Variants in PRDM5 observed in about 807,000 individuals in gnomAD.
The protein encoded by PRDM5 is PR/SET domain 5.
A neutral mutation model predicts 81.2 loss-of-function variants in PRDM5; 56 were observed. That is an observed-to-expected ratio of 0.69 (90% confidence interval 0.56 to 0.86). PRDM5 has a LOEUF of 0.86. PRDM5 is among the 40% of genes least tolerant of loss of function. The pLI is 0.00. For missense variants in PRDM5, 697 were observed against 770.1 expected (o/e 0.91, Z 1.12); for synonymous variants, 267 against 256.4 (o/e 1.04, Z -0.39).
In PRDM5 at chr4:120,699,167, T is replaced by A. The variant is rs6835074; in HGVS notation, c.1729-3892A>T. ...GGCAATTATAGGAAATATAAATATA[T>A]ATATATATATATATATATATATATA... is the stretch of plus-strand genomic sequence containing the variant. On this transcript the variant is annotated intron_variant, in intron 15 of 15. Coordinates refer to ENST00000264808, the MANE Select transcript of PRDM5 (RefSeq NM_018699.4). Among the ~76,000 whole-genome samples the A allele has an allele frequency of 8.3e-3, 165 of 19,856 alleles. 1 individual carries two copies. Among genetic ancestry groups the A allele is most frequent in the East Asian group, 0.066 (13 of 198 alleles). The allele number at this position is 19,856 out of a possible 152,430, so 13.0% of individuals were successfully genotyped here.
chr4:120,714,851 T>C (rs1737519348), intron 14 of PRDM5, among the ~76,000 whole-genome samples: 1 of 152,178 alleles, frequency 6.6e-6, no homozygotes, highest in African/African-American at 2.4e-5. Flanking sequence ...AGTTGATTTA[T>C]TGCCTTAGGG....
chr4:120,908,775 C>G (rs1164760597), intron 1 of PRDM5, among the ~76,000 whole-genome samples: 1 of 152,186 alleles, frequency 6.6e-6, no homozygotes, highest in Non-Finnish European at 1.5e-5. Context: ...AGATTGCTCA[C>G]TATTCATAAC....
chr4:120,875,738 G>A (rs1429624962), intron 2 of PRDM5, among the ~76,000 whole-genome samples: 2 of 152,186 alleles, frequency 1.3e-5, no homozygotes, highest in African/African-American at 4.8e-5. Context: ...GTAGTAGACA[G>A]GGGGCAAAAT....
intron 8 of PRDM5, among the ~76,000 whole-genome samples, chr4:120,810,843 T>C (rs1753735634): frequency 6.6e-6 from 1 of 152,154 alleles, no homozygotes; most frequent in South Asian, 2.1e-4. Flanking sequence ...ATCAACACAA[T>C]AATTTAGCTG....
intron 1 of PRDM5, among the ~76,000 whole-genome samples, chr4:120,908,182 A>T (rs1366430136): frequency 1.3e-5 from 2 of 152,212 alleles, no homozygotes; most frequent in Non-Finnish European, 2.9e-5. Context: ...AGAATCTGGA[A>T]ATGGGCTGTC....
At chr4:120,726,153 C>T (rs887778515) in intron 14 of PRDM5, among the ~76,000 whole-genome samples, 3 of 152,238 alleles carry the variant, frequency 2.0e-5, no homozygotes, top group African/African-American at 4.8e-5. Flanking sequence ...TCAGGCCAAA[C>T]AAAATGCTTT....
chr4:120,719,478 C>CA (rs1245951922), intron 14 of PRDM5, among the ~76,000 whole-genome samples: 1 of 152,090 alleles, frequency 6.6e-6, no homozygotes, highest in Admixed American at 6.6e-5. Flanking sequence ...TGTGGGCTGC[C>CA]ACTGGTCTGC....
chr4:120,779,612 A>G (rs1207846755), intron 12 of PRDM5, among the ~76,000 whole-genome samples: 1 of 152,182 alleles, frequency 6.6e-6, no homozygotes. Context: ...TCAAAATACA[A>G]TATCTCAGGC....
chr4:120,872,603 A>G (rs1326641645), intron 2 of PRDM5, among the ~76,000 whole-genome samples: 1 of 152,098 alleles, frequency 6.6e-6, no homozygotes, highest in Non-Finnish European at 1.5e-5. Context: ...AAAGATAAAA[A>G]ATTAGCCAGT....
In PRDM5 at chr4:120,909,306, A is replaced by G. The variant is rs552443263; in HGVS notation, c.94-1749T>C. The stretch of plus-strand genomic sequence containing the variant: ...CCTGATGCCACCTCCTCAGCTTTCC[A>G]TTGACTACAATTTAGCAATGACCTG... On this transcript the variant is annotated intron_variant, in intron 1 of 15. Coordinates refer to ENST00000264808, the MANE Select transcript of PRDM5 (RefSeq NM_018699.4). Among the ~76,000 whole-genome samples the G allele has an allele frequency of 8.3e-4, 127 of 152,284 alleles. 1 individual carries two copies. Among genetic ancestry groups the G allele is most frequent in the East Asian group, 4.6e-3 (24 of 5,188 alleles).
intron 14 of PRDM5, among the ~76,000 whole-genome samples, chr4:120,717,688 G>A (rs947935354): frequency 6.6e-6 from 1 of 152,182 alleles, no homozygotes; most frequent in African/African-American, 2.4e-5. Context: ...CCATCAGACA[G>A]GCTACCAAGG....
rs1444775024 is a variant in PRDM5, at chr4:120,693,952, C to A, written c.*1159G>T. On this transcript the variant is annotated 3_prime_UTR_variant, in exon 16 of 16. Transcript: ENST00000264808. ...ATATAACCTAAAGGAAGAAATTATG[C>A]TTCTTGCTTCAATTTCCCTTAAGCA... 6.6e-6 allele frequency: 1 copy of A among 152,092 alleles called. No individual in the cohort carries two copies. Among genetic ancestry groups the A allele is most frequent in the Admixed American group, 6.6e-5 (1 of 15,224 alleles). The allele number at this position is 152,092 out of a possible 1,614,324, so 9.4% of individuals were successfully genotyped here. A position where few individuals can be genotyped will look rare whatever the true frequency, so the allele number is the denominator to read the frequency against.
At position 120,785,077 on chromosome 4, in the gene PRDM5, C is replaced by T; in HGVS notation, c.1203G>A (p.Glu401=). 3 of 1,611,124 alleles carry T rather than the reference C, an allele frequency of 1.9e-6. No homozygotes were observed. Among genetic ancestry groups the T allele is most frequent in the Non-Finnish European group, 2.5e-6 (3 of 1,177,636 alleles). Residue 401 remains glutamate (E), a synonymous_variant, in exon 11 of 16, where the codon GAG becomes GAA. Coordinates refer to ENST00000264808, the MANE Select transcript of PRDM5 (RefSeq NM_018699.4). The part of the protein sequence containing the change: ...YKNHKKTHSE[E]RPFQCEECKA... The stretch of plus-strand genomic sequence containing the variant: ...TACATTCTTCACATTGGAACGGTCT[C>T]TCCTCAGAGTGGGTCTGCAGAGGAA...
chr4:120,855,841 T>C (rs1414846711), intron 2 of PRDM5, among the ~76,000 whole-genome samples: 1 of 152,248 alleles, frequency 6.6e-6, no homozygotes, highest in Admixed American at 6.5e-5. Flanking sequence ...CACAAATGGG[T>C]TTGCCCAGGC....
At chr4:120,708,663 C>T (rs1294943494) in intron 15 of PRDM5, among the ~76,000 whole-genome samples, 1 of 152,032 alleles carries the variant, frequency 6.6e-6, no homozygotes, top group Non-Finnish European at 1.5e-5. Context: ...TAAAAAAATG[C>T]AGCACCTTGG....
At chr4:120,860,763 A>G (rs1356206129) in intron 2 of PRDM5, among the ~76,000 whole-genome samples, 2 of 152,026 alleles carry the variant, frequency 1.3e-5, no homozygotes, top group African/African-American at 4.8e-5. Flanking sequence ...TTTACTTTTT[A>G]TTTTGTCAAT....
intron 14 of PRDM5, among the ~76,000 whole-genome samples, chr4:120,739,982 G>C (rs2149105106): frequency 6.6e-6 from 1 of 152,214 alleles, no homozygotes; most frequent in South Asian, 2.1e-4. Flanking sequence ...TCTCTGAAAG[G>C]AAAGTGATTT....
chr4:120,784,829 T>C (rs938402965), intron 11 of PRDM5, among the ~76,000 whole-genome samples, 169 bp downstream of exon 11: 3 of 151,956 alleles, frequency 2.0e-5, no homozygotes, highest in Non-Finnish European at 2.9e-5. Context: ...ATAAAGCAAA[T>C]ATAAAGCGAA....
At chr4:120,749,447 C>T (rs1337563934) in intron 14 of PRDM5, among the ~76,000 whole-genome samples, 2 of 152,108 alleles carry the variant, frequency 1.3e-5, no homozygotes, top group Non-Finnish European at 2.9e-5. Flanking sequence ...TAGAGAGCCC[C>T]CAGGTGGCAC....
Sources: allele counts gnomAD v4.1 joint callset (sites outside exome capture counted in the v4.1 genomes callset), GRCh38; gene constraint gnomAD v4.1.1; transcripts MANE v1.5; gene names NCBI Gene and HGNC (gene_info 2026-07-23, HGNC 2026-07-21).